Variants in TECPR1 observed in about 807,000 individuals in gnomAD.
TECPR1 encodes tectonin beta-propeller repeat-containing protein 1.
A neutral mutation model predicts 162.4 loss-of-function variants in TECPR1; 122 were observed. The observed-to-expected ratio is 0.75, with a 90% CI of 0.65 to 0.87. The LOEUF is 0.87. Among genes scored for constraint, TECPR1 ranks in the 40% least tolerant of loss-of-function variants. TECPR1 has a pLI of 0.00. For synonymous variants in TECPR1, 642 were observed against 670.6 expected (o/e 0.96, Z 0.66); for missense variants, 1,432 against 1,618.2 (o/e 0.88, Z 1.97).
intron 10 of TECPR1, among the ~76,000 whole-genome samples, chr7:98,235,857 T>C (rs1183980548): frequency 3.6e-5 from 3 of 84,472 alleles, no homozygotes; most frequent in East Asian, 2.6e-4. Context: ...AAAAACACCA[T>C]CTGAGCAGAC....
intron 18 of TECPR1, 37 bp downstream of exon 18, chr7:98,224,969 C>A (rs745740718): frequency 3.3e-6 from 5 of 1,537,390 alleles, no homozygotes; most frequent in Admixed American, 2.1e-5. Flanking sequence ...GGTGGGAGGG[C>A]GGATTCCCAA....
rs772744127 is a variant in TECPR1, at chr7:98,222,972, T to A, written c.2928+18A>T. 6.2e-7 allele frequency: 1 copy of A among 1,610,220 alleles called. No individual in the cohort carries two copies. The highest frequency in any genetic ancestry group is 2.2e-5 in the East Asian group (1 of 44,748). On this transcript the variant is annotated intron_variant, in intron 21 of 25. Coordinates refer to ENST00000447648, the MANE Select transcript of TECPR1 (RefSeq NM_015395.3). Reference sequence around the variant, plus strand: ...AAGGTCTCATTTCAAGAAGAATCTGTCTGGCCCCGGCACTCACCGCAGGGT... The same window carrying A: ...AAGGTCTCATTTCAAGAAGAATCTGACTGGCCCCGGCACTCACCGCAGGGT...
At chr7:98,242,553 T>C (rs1351667858) in intron 6 of TECPR1, among the ~76,000 whole-genome samples, 5 of 131,010 alleles carry the variant, frequency 3.8e-5, no homozygotes, top group African/African-American at 5.8e-5. Flanking sequence ...CACCCATCCA[T>C]CCATCCACAC....
In TECPR1 at chr7:98,241,246, T is replaced by C; in HGVS notation, c.658-2A>G. 1 of 1,611,922 alleles carries C rather than the reference T, an allele frequency of 6.2e-7. No homozygotes were observed. Among genetic ancestry groups the C allele is most frequent in the Non-Finnish European group, 8.5e-7 (1 of 1,179,612 alleles). On this transcript the variant is annotated splice_acceptor_variant, in intron 6 of 25. Coordinates refer to ENST00000447648, the MANE Select transcript of TECPR1 (RefSeq NM_015395.3). LOFTEE classifies it high-confidence loss of function. The surrounding 1 kb of genome is among the most constrained non-coding windows in gnomAD (Gnocchi z 5.0). ...GCTGACGTCCTCTCTGTACCACACC[T>C]GGGAGGCAAGACAGGGACACAGCAC...
chr7:98,228,365 TC>T, intron 16 of TECPR1: 1 of 486,290 alleles, frequency 2.1e-6, no homozygotes, highest in Non-Finnish European at 3.8e-6. Context: ...GCATTAAATC[TC>T]CCATCCACAC....
At chr7:98,247,584 G>A (rs1436029386) in intron 2 of TECPR1, among the ~76,000 whole-genome samples, 1 of 152,136 alleles carries the variant, frequency 6.6e-6, no homozygotes, top group Non-Finnish European at 1.5e-5. Flanking sequence ...TGGGCATAAT[G>A]AGGGCACGTT....
chr7:98,218,837 C>T (rs1369254433), intron 23 of TECPR1, among the ~76,000 whole-genome samples: 2 of 151,958 alleles, frequency 1.3e-5, no homozygotes, highest in African/African-American at 4.8e-5. Flanking sequence ...AGATTCAATG[C>T]AATTCCTATT....
At chr7:98,243,329 G>A in intron 6 of TECPR1, 138 bp downstream of exon 6, 5 of 1,218,270 alleles carry the variant, frequency 4.1e-6, no homozygotes, top group Middle Eastern at 5.8e-4. Context: ...GGGGCTCGGA[G>A]GAGAGAAAGG....
At chr7:98,245,231 G>A in intron 3 of TECPR1, 164 bp from the exon 4 acceptor site, 1 of 710,078 alleles carries the variant, frequency 1.4e-6, no homozygotes, top group Non-Finnish European at 2.3e-6. Flanking sequence ...CAGCAACTGG[G>A]GACCCCCATG....
chr7:98,233,163 C>T, intron 11 of TECPR1, 191 bp from the exon 12 acceptor site: 1 of 803,128 alleles, frequency 1.2e-6, no homozygotes, highest in Non-Finnish European at 1.9e-6. Flanking sequence ...AAAGCAGCCA[C>T]CACCGCTAGC....
At chr7:98,250,167 TA>T (rs1019276184) in intron 2 of TECPR1, among the ~76,000 whole-genome samples, 1 of 152,160 alleles carries the variant, frequency 6.6e-6, no homozygotes, top group Admixed American at 6.5e-5. Flanking sequence ...ATAAAGCAAG[TA>T]AAGTGTCAAT....
At chr7:98,230,333 C>G (rs1329865682) in intron 15 of TECPR1, among the ~76,000 whole-genome samples, 1 of 152,058 alleles carries the variant, frequency 6.6e-6, no homozygotes, top group African/African-American at 2.4e-5. Context: ...ATGTCCCCAA[C>G]AGAACAATGT....
In TECPR1 at chr7:98,233,572, G is replaced by A. The variant is rs540853813; in HGVS notation, c.1521C>T (p.Pro507=). The stretch of plus-strand genomic sequence containing the variant: ...CCAGAGAGGAGAGGCTGGTGGTCTC[G>A]GGGAAGCCAGCGGCCGAGTGGCTGG... The part of the protein sequence containing the change: ...KVPSHSAAGF[P]ETTSLSSLGL... The change falls in exon 11 of 26, where the codon CCC becomes CCT. Residue 507 remains proline (P), a synonymous_variant. Coordinates refer to ENST00000447648, the MANE Select transcript of TECPR1 (RefSeq NM_015395.3). 75 of 1,596,894 alleles carry A rather than the reference G, an allele frequency of 4.7e-5. No individual in the cohort carries two copies. Among genetic ancestry groups the A allele is most frequent in the Admixed American group, 3.5e-4 (20 of 56,912 alleles).
At chr7:98,227,008 T>A (rs112208874) in intron 17 of TECPR1, among the ~76,000 whole-genome samples, 4 of 150,376 alleles carry the variant, frequency 2.7e-5, no homozygotes, top group African/African-American at 9.8e-5. Flanking sequence ...CTCAAAAAGT[T>A]AAAAAAAAAA....
At position 98,217,953 on chromosome 7, in the gene TECPR1, C is replaced by T. The variant is rs1427897115; in HGVS notation, c.3247G>A (p.Val1083Met). The T allele has an allele frequency of 8.4e-6, 13 of 1,556,796 alleles. No individual in the cohort carries two copies. Among genetic ancestry groups the T allele is most frequent in the East Asian group, 7.2e-5 (3 of 41,396 alleles). Reference sequence around the variant, plus strand: ...ACCCCCACCTGGTCCAGGGGCCCCACGGACACTCGGCACACGTTGTTGGAC... The same window carrying T: ...ACCCCCACCTGGTCCAGGGGCCCCATGGACACTCGGCACACGTTGTTGGAC... ...HVSNNVCRVS[V>M]GPLDQVWVIA... The change falls in exon 24 of 26, where the codon GTG becomes ATG. Residue 1083 changes from valine (V) to methionine (M), a missense_variant. Transcript: ENST00000447648.
rs1011451059 is a variant in TECPR1, at chr7:98,231,817, T to C, written c.1961A>G (p.His654Arg). ...DSILFIYYVV[H>R]EEKKYIHIFL... ...ACCCGTGGGCACCTTCTTCTCCTCG[T>C]GGACCACATAGTAGATGAAGAGGAT... Residue 654 changes from histidine (H) to arginine (R), a missense_variant, in exon 13 of 26, where the codon CAC becomes CGC. By Grantham distance (29) the His-to-Arg change is conservative (BLOSUM62 0). Transcript: ENST00000447648. 3.7e-6 allele frequency: 6 copies of C among 1,611,842 alleles called. No individual in the cohort carries two copies. Among genetic ancestry groups the C allele is most frequent in the Non-Finnish European group, 5.1e-6 (6 of 1,179,078 alleles).
chr7:98,248,005 C>T (rs1008266530), intron 2 of TECPR1, among the ~76,000 whole-genome samples: 16 of 152,210 alleles, frequency 1.1e-4, no homozygotes, highest in South Asian at 2.1e-4. Flanking sequence ...GGATTATAGA[C>T]GTGAGCCACT....
intron 5 of TECPR1, among the ~76,000 whole-genome samples, chr7:98,244,318 C>T (rs1379813190): frequency 6.6e-6 from 1 of 152,224 alleles, no homozygotes; most frequent in African/African-American, 2.4e-5. Flanking sequence ...TGGGACAGAG[C>T]AGCTTGGACA....
intron 16 of TECPR1, 95 bp downstream of exon 16, chr7:98,228,944 G>A: frequency 6.1e-6 from 9 of 1,469,068 alleles, no homozygotes; most frequent in Non-Finnish European, 7.3e-6. Flanking sequence ...TGTGAACACT[G>A]GGACAATGGC....
Sources: gnomAD v4.1 joint callset for allele counts (sites outside exome capture counted in the v4.1 genomes callset) on GRCh38, gnomAD v4.1.1 for gene constraint, Gnocchi (gnomAD v3.1) non-coding constraint, MANE v1.5 for transcripts, NCBI Gene and HGNC (gene_info 2026-07-23, HGNC 2026-07-21) for gene names.